Variants in NECTIN3 observed in about 807,000 individuals in gnomAD.
NECTIN3 encodes nectin cell adhesion molecule 3.
In NECTIN3, 8 loss-of-function variants were observed where a neutral mutation model predicts 49.4. The ratio of observed to expected loss-of-function variants is 0.16; its 90% CI spans 0.10 to 0.29. NECTIN3 has a LOEUF of 0.29. Ranked by LOEUF, NECTIN3 falls within the 10% of genes least tolerant of loss-of-function variation. The pLI, the probability that NECTIN3 is intolerant of heterozygous loss-of-function variation, is 1.00. For synonymous variants in NECTIN3, 277 were observed against 241.1 expected (o/e 1.15, Z -1.38); for missense variants, 581 against 654.6 (o/e 0.89, Z 1.23).
intron 6 of NECTIN3, chr3:111,147,396 A>G: frequency 6.6e-7 from 1 of 1,514,364 alleles, no homozygotes; most frequent in African/African-American, 1.4e-5. Context: ...TAACCTTTGC[A>G]ATGCAGGATT....
chr3:111,190,381 T>G (rs2035793935), upstream of NECTIN3, among the ~76,000 whole-genome samples: 1 of 152,216 alleles, frequency 6.6e-6, no homozygotes, highest in Non-Finnish European at 1.5e-5. Flanking sequence ...TGAACTATTT[T>G]TATTGCACAA....
intron 2 of NECTIN3, among the ~76,000 whole-genome samples, chr3:111,114,147 A>G (rs2033588754): frequency 6.6e-6 from 1 of 152,168 alleles, no homozygotes; most frequent in African/African-American, 2.4e-5. Flanking sequence ...AAGATTAGTC[A>G]TTATGTTGTC....
intron 7 of NECTIN3, among the ~76,000 whole-genome samples, chr3:111,178,673 A>G (rs948293624): frequency 6.6e-6 from 1 of 152,218 alleles, no homozygotes; most frequent in Admixed American, 6.5e-5. Flanking sequence ...CTTGAGCATC[A>G]CTGGTCTTTC....
intron 5 of NECTIN3, among the ~76,000 whole-genome samples, chr3:111,131,133 A>G (rs2034373087): frequency 6.6e-6 from 1 of 152,036 alleles, no homozygotes. Context: ...TTATGACACT[A>G]AAAATATACC....
chr3:111,163,244 C>T (rs190900151), intron 7 of NECTIN3, among the ~76,000 whole-genome samples: 1 of 152,312 alleles, frequency 6.6e-6, no homozygotes, highest in East Asian at 1.9e-4. Flanking sequence ...ACTAGCTAGA[C>T]TTCTTACATG....
intron 6 of NECTIN3, chr3:111,145,107 C>T (rs990060397): frequency 3.5e-6 from 5 of 1,437,576 alleles, no homozygotes; most frequent in Admixed American, 4.1e-5. Flanking sequence ...TTTACCTTTA[C>T]AGCTCCTCAT....
intron 7 of NECTIN3, among the ~76,000 whole-genome samples, chr3:111,180,935 G>T (rs937944598): frequency 6.6e-6 from 1 of 151,824 alleles, no homozygotes; most frequent in African/African-American, 2.4e-5. Context: ...ACAAGTTAGA[G>T]TTTTTTTTAA....
intron 1 of NECTIN3, chr3:111,193,214 C>T: frequency 6.5e-7 from 1 of 1,535,456 alleles, no homozygotes; most frequent in Non-Finnish European, 8.7e-7. Context: ...GACTAAATAG[C>T]AGGAGTTTTG....
chr3:111,123,880 C>T (rs1250857893), intron 4 of NECTIN3, among the ~76,000 whole-genome samples: 2 of 151,986 alleles, frequency 1.3e-5, no homozygotes, highest in Non-Finnish European at 2.9e-5. Context: ...TTGAAGCATC[C>T]CTGGGTTGAG....
At chr3:111,104,566 T>C (rs999086058) in intron 1 of NECTIN3, among the ~76,000 whole-genome samples, 4 of 152,050 alleles carry the variant, frequency 2.6e-5, no homozygotes, top group African/African-American at 9.7e-5. Context: ...ACGGTCCTCC[T>C]GCTATAGCTT....
At chr3:111,112,787 T>G (rs1229094259) in intron 2 of NECTIN3, among the ~76,000 whole-genome samples, 1 of 152,190 alleles carries the variant, frequency 6.6e-6, no homozygotes, top group Non-Finnish European at 1.5e-5. Flanking sequence ...TTTTACTATT[T>G]CATATCACAT....
intron 1 of NECTIN3, chr3:111,075,335 C>G (rs1326170016): frequency 6.6e-6 from 1 of 152,094 alleles, no homozygotes; most frequent in Non-Finnish European, 1.5e-5. Flanking sequence ...CCTTCCCTGT[C>G]CTTCCCTCCC....
chr3:111,165,298 C>T (rs1259334476), intron 7 of NECTIN3, among the ~76,000 whole-genome samples: 1 of 152,156 alleles, frequency 6.6e-6, no homozygotes, highest in African/African-American at 2.4e-5. Flanking sequence ...CCACCTCGGC[C>T]TCCCAAAGTG....
chr3:111,135,852 G>A lies in NECTIN3; in HGVS notation c.*1637G>A. On this transcript the variant is annotated 3_prime_UTR_variant, in exon 6 of 6. Transcript: ENST00000485303. The stretch of plus-strand genomic sequence containing the variant: ...AACTAGCACTATTTTGTGGAAATTA[G>A]AAACCTCTTTTATTTCTCTTCCCAA... 3.2e-6 allele frequency: 3 copies of A among 927,348 alleles called. No homozygotes were observed. The highest frequency in any genetic ancestry group is 3.9e-6 in the Non-Finnish European group (3 of 777,758). The allele number at this position is 927,348 out of a possible 1,614,324, so 57.4% of individuals were successfully genotyped here.
chr3:111,142,623 G>A (rs113407217), intron 5 of NECTIN3, among the ~76,000 whole-genome samples: 9 of 151,892 alleles, frequency 5.9e-5, no homozygotes, highest in African/African-American at 1.7e-4. Flanking sequence ...GAGATTAAAA[G>A]TCTACATTAT....
intron 2 of NECTIN3, among the ~76,000 whole-genome samples, chr3:111,113,982 C>CTAAA (rs545454977): frequency 1.4e-3 from 218 of 151,950 alleles, no homozygotes; most frequent in African/African-American, 3.6e-3. Context: ...GACTGTGTCT[C>CTAAA]TAAATAAATA....
At chr3:111,108,308 G>A (rs1337408793) in intron 1 of NECTIN3, among the ~76,000 whole-genome samples, 1 of 150,528 alleles carries the variant, frequency 6.6e-6, no homozygotes, top group Admixed American at 6.6e-5. Flanking sequence ...TTTATTGGGT[G>A]ATTTTTCTGT....
intron 1 of NECTIN3, chr3:111,074,752 G>A (rs1382331233): frequency 6.6e-6 from 1 of 152,214 alleles, no homozygotes; most frequent in African/African-American, 2.4e-5. Flanking sequence ...AGTGTCAAGG[G>A]GACTGGGCTT....
intron 7 of NECTIN3, among the ~76,000 whole-genome samples, chr3:111,178,631 A>G (rs1182634493): frequency 6.6e-6 from 1 of 152,224 alleles, no homozygotes; most frequent in Non-Finnish European, 1.5e-5. Context: ...ACGGATGACG[A>G]TAAACCAGAG....
Sources: allele counts gnomAD v4.1 joint callset (sites outside exome capture counted in the v4.1 genomes callset), GRCh38; gene constraint gnomAD v4.1.1; transcripts MANE v1.5; gene names NCBI Gene and HGNC (gene_info 2026-07-23, HGNC 2026-07-21).